The following CCSER1 variants were observed in gnomAD, a reference collection of about 807,000 sequenced individuals.
The protein encoded by CCSER1 is serine-rich coiled-coil domain-containing protein 1.
CCSER1 carries 41 observed loss-of-function variants against 82.0 expected under a neutral mutation model. That is an observed-to-expected ratio of 0.50 (90% CI 0.39 to 0.65). CCSER1 has a LOEUF of 0.65. Ranked by LOEUF, CCSER1 falls within the 30% of genes least tolerant of loss-of-function variation. The pLI is 0.00. For synonymous variants in CCSER1, 414 were observed against 383.9 expected (o/e 1.08, Z -0.92); for missense variants, 1,119 against 1,064.2 (o/e 1.05, Z -0.72).
At chr4:91,437,262 C>G (rs1167481286) in intron 10 of CCSER1, among the ~76,000 whole-genome samples, 3 of 152,112 alleles carry the variant, frequency 2.0e-5, no homozygotes, top group Non-Finnish European at 2.9e-5. Flanking sequence ...ATATCTCATA[C>G]CCTGGGGGAA....
intron 10 of CCSER1, among the ~76,000 whole-genome samples, chr4:91,504,718 ATAGT>A (rs10565622): frequency 0.5 from 75,582 of 151,460 alleles, 19,046 homozygotes; most frequent in East Asian, 0.56. Context: ...ACCTATTTTA[ATAGT>A]TATTTAGCCA....
chr4:90,486,287 A>G (rs550614773), intron 5 of CCSER1, among the ~76,000 whole-genome samples: 1 of 151,998 alleles, frequency 6.6e-6, no homozygotes. Context: ...TTAACCTCTT[A>G]TGTATAGGTT....
At chr4:90,358,178 C>T (rs1422303563) in intron 3 of CCSER1, among the ~76,000 whole-genome samples, 1 of 151,958 alleles carries the variant, frequency 6.6e-6, no homozygotes, top group African/African-American at 2.4e-5. Flanking sequence ...ATCAAATATT[C>T]ACTTCAATAT....
chr4:91,308,475 G>A (rs945462812), intron 10 of CCSER1, among the ~76,000 whole-genome samples: 19 of 152,068 alleles, frequency 1.2e-4, no homozygotes, highest in African/African-American at 4.3e-4. Context: ...GTCAGCAAGC[G>A]GTGTTGTCTG....
chr4:90,498,462 T>C (rs1446029991), intron 5 of CCSER1, among the ~76,000 whole-genome samples: 1 of 152,192 alleles, frequency 6.6e-6, no homozygotes, highest in Non-Finnish European at 1.5e-5. Flanking sequence ...GACATTTACA[T>C]AGTTCTTATT....
At chr4:91,093,220 T>C (rs1724153877) in intron 10 of CCSER1, among the ~76,000 whole-genome samples, 1 of 152,192 alleles carries the variant, frequency 6.6e-6, no homozygotes, top group African/African-American at 2.4e-5. Flanking sequence ...CGCATCTTTC[T>C]CCTCGTGGAC....
intron 10 of CCSER1, among the ~76,000 whole-genome samples, chr4:91,272,506 CAGATATAT>C (rs1435518479): frequency 2.6e-5 from 4 of 152,064 alleles, no homozygotes; most frequent in Non-Finnish European, 5.9e-5. Flanking sequence ...TGTCCTTTGT[CAGATATAT>C]AGATTGTGAA....
intron 8 of CCSER1, among the ~76,000 whole-genome samples, chr4:90,858,070 T>C (rs747093455): frequency 1.3e-5 from 2 of 152,042 alleles, no homozygotes; most frequent in Non-Finnish European, 2.9e-5. Context: ...CACATCTAAA[T>C]GCAGTGAAGT....
intron 9 of CCSER1, among the ~76,000 whole-genome samples, chr4:91,078,186 C>T (rs892412215): frequency 2.0e-5 from 3 of 152,156 alleles, no homozygotes; most frequent in African/African-American, 7.2e-5. Context: ...ATAGGAGACA[C>T]CTCCCAGTAG....
Position 90,149,571 on chromosome 4 carries a change from A to C in CCSER1, c.-42+21740A>C, listed in dbSNP as rs569570254. Among the ~76,000 whole-genome samples, 6 of 152,256 alleles carry C rather than the reference A, an allele frequency of 3.9e-5. No individual in the cohort carries two copies. The South Asian group carries it at 1.2e-3, about 32-fold the overall frequency. ...TTCAGTTATACTTAAAAAATGTGTT[A>C]ATCTTTGAGAAAGGGAAAGCAAGTA... On this transcript the variant is annotated intron_variant, in intron 1 of 10. Coordinates refer to ENST00000509176, the MANE Select transcript of CCSER1 (RefSeq NM_001145065.2).
At chr4:90,848,656 A>G (rs954397084) in intron 8 of CCSER1, among the ~76,000 whole-genome samples, 1 of 152,144 alleles carries the variant, frequency 6.6e-6, no homozygotes, top group African/African-American at 2.4e-5. Flanking sequence ...CATGTGCATT[A>G]CCTTTCCCCA....
At chr4:90,879,238 T>C (rs2150063931) in intron 8 of CCSER1, among the ~76,000 whole-genome samples, 1 of 152,310 alleles carries the variant, frequency 6.6e-6, no homozygotes, top group South Asian at 2.1e-4. Flanking sequence ...GAAATTCTTG[T>C]TTTGCGTTAT....
intron 9 of CCSER1, among the ~76,000 whole-genome samples, chr4:90,930,554 A>C (rs1002298199): frequency 1.3e-5 from 2 of 151,984 alleles, no homozygotes; most frequent in Admixed American, 6.6e-5. Flanking sequence ...CGTAGCTTGC[A>C]GTGAGCCGAG....
At chr4:90,877,103 T>C (rs551651649) in intron 8 of CCSER1, among the ~76,000 whole-genome samples, 1 of 152,152 alleles carries the variant, frequency 6.6e-6, no homozygotes, top group East Asian at 1.9e-4. Flanking sequence ...GAGAAACTAG[T>C]ATTGTTTCCA....
chr4:90,425,883 G>C (rs1237364249), intron 4 of CCSER1, among the ~76,000 whole-genome samples: 1 of 151,520 alleles, frequency 6.6e-6, no homozygotes, highest in African/African-American at 2.4e-5. Flanking sequence ...AACAAATAAA[G>C]CTGTGCAGCA....
intron 10 of CCSER1, among the ~76,000 whole-genome samples, chr4:91,386,258 A>G (rs936803076): frequency 6.6e-6 from 1 of 152,020 alleles, no homozygotes. Context: ...GGAGTTTATC[A>G]AAAGGTCACA....
intron 10 of CCSER1, among the ~76,000 whole-genome samples, chr4:91,236,657 T>G (rs1739034643): frequency 6.6e-6 from 1 of 152,188 alleles, no homozygotes; most frequent in Non-Finnish European, 1.5e-5. Context: ...ATAAATAAAA[T>G]ATTAAGACAT....
At chr4:91,020,473 T>C (rs1739837781) in intron 9 of CCSER1, among the ~76,000 whole-genome samples, 1 of 152,074 alleles carries the variant, frequency 6.6e-6, no homozygotes, top group South Asian at 2.1e-4. Flanking sequence ...CCATCCTGGC[T>C]AACACAGTGA....
chr4:91,220,394 T>C (rs916358862), intron 10 of CCSER1, among the ~76,000 whole-genome samples: 11 of 152,304 alleles, frequency 7.2e-5, no homozygotes, highest in African/African-American at 2.4e-4. Flanking sequence ...AATCATATAG[T>C]TAATGGAACA....
Sources: allele counts gnomAD v4.1 joint callset (sites outside exome capture counted in the v4.1 genomes callset), GRCh38; gene constraint gnomAD v4.1.1; transcripts MANE v1.5; gene names NCBI Gene and HGNC (gene_info 2026-07-23, HGNC 2026-07-21).